Variants in MBD5 observed in about 807,000 individuals in gnomAD.
MBD5 encodes the protein methyl-CpG binding domain protein 5.
In MBD5, 13 loss-of-function variants were observed where a neutral mutation model predicts 117.3. The ratio of observed to expected loss-of-function variants is 0.11; its 90% CI spans 0.07 to 0.18. The LOEUF (loss-of-function observed/expected upper bound fraction) is 0.18, where lower values mean the gene tolerates loss of function less well. Ranked by LOEUF, MBD5 falls within the 10% of genes least tolerant of loss-of-function variation. The pLI is 1.00. For synonymous variants in MBD5, 727 were observed against 766.4 expected, an observed-to-expected ratio of 0.95 and a Z score of 0.85; for missense variants, 1,879 against 2,093.8, an observed-to-expected ratio of 0.90 and a Z score of 2.00.
At chr2:148,166,458 G>A (rs76626891) in intron 1 of MBD5, among the ~76,000 whole-genome samples, 1 of 152,112 alleles carries the variant, frequency 6.6e-6, no homozygotes, top group East Asian at 1.9e-4. Context: ...TACATAAAAT[G>A]GTTTCTTTTA....
intron 4 of MBD5, among the ~76,000 whole-genome samples, chr2:148,410,476 C>T (rs531905777): frequency 6.6e-6 from 1 of 152,160 alleles, no homozygotes; most frequent in Middle Eastern, 3.2e-3. Flanking sequence ...TTCACCCAGG[C>T]TGGAGTGCAG....
chr2:148,228,423 T>A (rs542107569), intron 2 of MBD5, among the ~76,000 whole-genome samples: 1 of 152,180 alleles, frequency 6.6e-6, no homozygotes, highest in African/African-American at 2.4e-5. Context: ...TTATTGATTT[T>A]CGTATGATGA....
chr2:148,035,724 C>G (rs886283309), intron 1 of MBD5, among the ~76,000 whole-genome samples: 1 of 152,178 alleles, frequency 6.6e-6, no homozygotes, highest in African/African-American at 2.4e-5. Context: ...TAGAGCCAGA[C>G]TGTCTGGATT....
intron 2 of MBD5, among the ~76,000 whole-genome samples, chr2:148,180,025 GT>G (rs1162698294): frequency 6.6e-6 from 1 of 151,690 alleles, no homozygotes. Flanking sequence ...GTGCAGGAGT[GT>G]TTTTTCTTTT....
intron 2 of MBD5, among the ~76,000 whole-genome samples, chr2:148,228,150 G>A (rs1247622408): frequency 2.6e-5 from 4 of 152,114 alleles, no homozygotes; most frequent in Non-Finnish European, 5.9e-5. Flanking sequence ...ACACTATGTT[G>A]AATAGGAGTG....
intron 3 of MBD5, among the ~76,000 whole-genome samples, chr2:148,316,386 G>C (rs911300525): frequency 6.6e-6 from 1 of 152,142 alleles, no homozygotes; most frequent in African/African-American, 2.4e-5. Context: ...GTCATGCTGA[G>C]AAGCATGTAG....
chr2:148,107,895 A>C (rs1257554900), intron 1 of MBD5, among the ~76,000 whole-genome samples: 1 of 152,176 alleles, frequency 6.6e-6, no homozygotes, highest in Non-Finnish European at 1.5e-5. Flanking sequence ...TGTGAAGAGA[A>C]TGTTTCTGTT....
chr2:148,188,093 C>T (rs769362877), intron 2 of MBD5, among the ~76,000 whole-genome samples: 2 of 152,074 alleles, frequency 1.3e-5, no homozygotes, highest in Admixed American at 6.5e-5. Context: ...AGTGCCTACC[C>T]GATGCTCAAA....
intron 4 of MBD5, among the ~76,000 whole-genome samples, chr2:148,397,698 A>T (rs1422320158): frequency 6.6e-6 from 1 of 152,064 alleles, no homozygotes; most frequent in Non-Finnish European, 1.5e-5. Context: ...CATGTGCACA[A>T]CGTGCAGGTT....
chr2:148,033,695 C>T (rs745666986), intron 1 of MBD5, among the ~76,000 whole-genome samples: 13 of 152,104 alleles, frequency 8.5e-5, no homozygotes, highest in Non-Finnish European at 1.8e-4. Flanking sequence ...AAATAAACAG[C>T]GTACCACATA....
chr2:148,254,765 A>T (rs775385251), intron 3 of MBD5, among the ~76,000 whole-genome samples: 26 of 152,276 alleles, frequency 1.7e-4, no homozygotes, highest in Non-Finnish European at 2.8e-4. Flanking sequence ...ACAGGCTGCG[A>T]TGGGTATCCA....
intron 1 of MBD5, among the ~76,000 whole-genome samples, chr2:148,083,318 A>C (rs1695695106): frequency 6.6e-6 from 1 of 152,168 alleles, no homozygotes; most frequent in South Asian, 2.1e-4. Context: ...ACTAGGAAAT[A>C]TTTACTATCA....
chr2:148,288,386 C>T (rs1252442208), intron 3 of MBD5, among the ~76,000 whole-genome samples: 2 of 38,474 alleles, frequency 5.2e-5, no homozygotes, highest in African/African-American at 1.6e-4. Flanking sequence ...GGCGACAGAG[C>T]GAGACTCCGT....
intron 1 of MBD5, among the ~76,000 whole-genome samples, chr2:148,142,768 A>C (rs1697349880): frequency 6.6e-6 from 1 of 152,212 alleles, no homozygotes; most frequent in East Asian, 1.9e-4. Flanking sequence ...CAGGAAACTA[A>C]GGAAATTGAT....
At chr2:148,424,177 C>CAAAAAAAAAAAAAAAAAAAAAAAAAAAA (rs56740583) in intron 4 of MBD5, among the ~76,000 whole-genome samples, 1 of 53,462 alleles carries the variant, frequency 1.9e-5, no homozygotes, top group Non-Finnish European at 4.3e-5. Context: ...GACTCTGTCT[C>CAAAAAAAAAAAAAAAAAAAAAAAAAAAA]AAAAAAAAAA....
rs771626052 is a variant in MBD5 at position 148,490,429 on chromosome 2, C to T, written c.4797C>T (p.Asn1599=). Residue 1599 remains asparagine (N), a synonymous_variant, in exon 11 of 14, where the codon AAC becomes AAT. Transcript: ENST00000642680. ...KSISSEDDLR[N]PDSPSSNELI... is the part of the protein sequence containing the mutation. ...TTAGTAGTGAAGATGACCTAAGGAA[C>T]CCAGACTCCCCCTCTTCAAATGAAT... is the stretch of plus-strand genomic sequence containing the variant. The T allele has an allele frequency of 1.9e-6, 3 of 1,614,128 alleles. No individual in the cohort carries two copies. Among genetic ancestry groups the T allele is most frequent in the South Asian group, 2.2e-5 (2 of 91,074 alleles).
At chr2:148,051,981 T>G (rs551154399) in intron 1 of MBD5, among the ~76,000 whole-genome samples, 1 of 152,150 alleles carries the variant, frequency 6.6e-6, no homozygotes, top group East Asian at 1.9e-4. Context: ...AGTCCTGGGC[T>G]TTTTATTTCT....
intron 3 of MBD5, among the ~76,000 whole-genome samples, chr2:148,324,167 A>G (rs1043537243): frequency 2.1e-4 from 32 of 151,824 alleles, no homozygotes; most frequent in Non-Finnish European, 4.1e-4. Flanking sequence ...ATGTGGCGTT[A>G]TTTCTGAGGG....
intron 4 of MBD5, among the ~76,000 whole-genome samples, chr2:148,431,755 G>T (rs1450396822): frequency 6.6e-6 from 1 of 152,116 alleles, no homozygotes; most frequent in Non-Finnish European, 1.5e-5. Context: ...TGGTGTATAT[G>T]TGCCACATTT....
Sources: gnomAD v4.1 joint callset for allele counts (sites outside exome capture counted in the v4.1 genomes callset) on GRCh38, gnomAD v4.1.1 for gene constraint, MANE v1.5 for transcripts, NCBI Gene and HGNC (gene_info 2026-07-23, HGNC 2026-07-21) for gene names.